Variants in TNFRSF9 observed in about 807,000 individuals in gnomAD.
The protein encoded by TNFRSF9 is tumor necrosis factor receptor superfamily member 9.
In TNFRSF9, 16 loss-of-function variants were observed where a neutral mutation model predicts 28.8. That is an observed-to-expected ratio of 0.55 (90% CI 0.38 to 0.84). The LOEUF (loss-of-function observed/expected upper bound fraction) is 0.84. TNFRSF9 is among the 40% of genes least tolerant of loss of function. TNFRSF9 has a pLI of 0.00. For synonymous variants in TNFRSF9, 131 were observed against 117.0 expected (o/e 1.12, Z -0.77); for missense variants, 303 against 315.0 (o/e 0.96, Z 0.29).
chr1:7,922,854 T>TTC (rs1639582029), intron 7 of TNFRSF9, among the ~76,000 whole-genome samples: 1 of 151,446 alleles, frequency 6.6e-6, no homozygotes, highest in Admixed American at 6.6e-5. Flanking sequence ...TACTCTCTAG[T>TTC]TATGAGACCA....
rs1208499796 is a variant in TNFRSF9 at position 7,940,830 on chromosome 1, A to T, written c.-131T>A. On this transcript the variant is annotated 5_prime_UTR_variant, in exon 1 of 8. Coordinates refer to ENST00000377507, the MANE Select transcript of TNFRSF9 (RefSeq NM_001561.6). ...GAGAACTTTCCACTCCTTGGTCTTC[A>T]GGCTTCTGCAGCTCGAGAGGACTTC... 1 of 152,308 alleles carries T rather than the reference A, an allele frequency of 6.6e-6. No individual in the cohort carries two copies. Among genetic ancestry groups the T allele is most frequent in the Non-Finnish European group, 1.5e-5 (1 of 68,058 alleles). The allele number at this position is 152,308 out of a possible 1,614,324, so 9.4% of individuals were successfully genotyped here.
intron 5 of TNFRSF9, among the ~76,000 whole-genome samples, chr1:7,936,233 T>C (rs1218831160): frequency 6.6e-6 from 1 of 152,084 alleles, no homozygotes; most frequent in African/African-American, 2.4e-5. Context: ...CTGGCTAACA[T>C]GGTGAAAGCC....
rs1364641614 is a variant in TNFRSF9, at chr1:7,939,981, C to G, written c.14G>C (p.Cys5Ser). The part of the protein sequence containing the change: MGNS[C>S]YNIVATLLLV... ...CAACAGAGTGGCTACTATGTTGTAA[C>G]AGCTGTTTCCCATGATGAAATCTGG... Residue 5 changes from cysteine (C) to serine (S), a missense_variant, in exon 2 of 8, where the codon TGT becomes TCT. Physicochemically the swap from Cys to Ser is moderately radical, Grantham distance 112 (BLOSUM62 -1). Coordinates refer to ENST00000377507, the MANE Select transcript of TNFRSF9 (RefSeq NM_001561.6). 1 of 1,593,002 alleles carries G rather than the reference C, an allele frequency of 6.3e-7. No homozygotes were observed. Among genetic ancestry groups the G allele is most frequent in the Non-Finnish European group, 8.6e-7 (1 of 1,163,160 alleles).
Position 7,920,883 on chromosome 1 carries a change from G to A in TNFRSF9, c.720C>T (p.Gly240=). The A allele has an allele frequency of 3.1e-6, 5 of 1,613,814 alleles. No homozygotes were observed. The highest frequency in any genetic ancestry group is 4.2e-6 in the Non-Finnish European group (5 of 1,179,954). The part of the protein sequence containing the change: ...RPVQTTQEED[G]CSCRFPEEEE... The stretch of plus-strand genomic sequence containing the variant: ...CTTCTTCTGGAAATCGGCAGCTACA[G>A]CCATCTTCCTCTTGAGTAGTTTGTA... Residue 240 remains glycine, a synonymous_variant, in exon 8 of 8, where the codon GGC becomes GGT. Coordinates refer to ENST00000377507, the MANE Select transcript of TNFRSF9 (RefSeq NM_001561.6).
rs1639854007 is a variant in TNFRSF9, at chr1:7,938,397, T to C, written c.209-67A>G. The C allele has an allele frequency of 2.8e-6, 4 of 1,449,464 alleles. No individual in the cohort carries two copies. The South Asian group carries it at 4.4e-5, about 16-fold the overall frequency. 89.8% of individuals were successfully genotyped at this position (1,449,464 alleles called of 1,614,324 possible). A position where few individuals can be genotyped will look rare whatever the true frequency, so the allele number is the denominator to read the frequency against. On this transcript the variant is annotated intron_variant, in intron 3 of 7. Transcript: ENST00000377507. ...CCTCCAAATCCAGGAAGCGAATTTA[T>C]GCTCTGCAGTAAAAATCATGCTCAC...
At chr1:7,921,430 G>C (rs920191040) in intron 7 of TNFRSF9, among the ~76,000 whole-genome samples, 2 of 152,014 alleles carry the variant, frequency 1.3e-5, no homozygotes, top group African/African-American at 4.8e-5. Flanking sequence ...CACTTTGGGA[G>C]GCTGAGGCCG....
At position 7,933,189 on chromosome 1, in the gene TNFRSF9, T is replaced by G; in HGVS notation, c.652A>C (p.Lys218Gln). The part of the protein sequence containing the change: ...LRFSVVKRGR[K>Q]KLLYIFKQPF... Reference sequence around the variant, plus strand: ...TGTTTGAATATATACAGGAGTTTCTTTCTGCCCCGTTTAACAACAGAGAAA... The same window carrying G: ...TGTTTGAATATATACAGGAGTTTCTGTCTGCCCCGTTTAACAACAGAGAAA... The change falls in exon 7 of 8, where the codon AAG becomes CAG. Residue 218 changes from lysine (K) to glutamine (Q), a missense_variant. Lys to Gln is a moderately conservative substitution (Grantham distance 53, BLOSUM62 1). Transcript: ENST00000377507. 1 of 1,614,002 alleles carries G rather than the reference T, an allele frequency of 6.2e-7. No individual in the cohort carries two copies. The highest frequency in any genetic ancestry group is 1.1e-5 in the South Asian group (1 of 91,050).
rs33970118 is a variant in TNFRSF9, at chr1:7,920,304, CTTT to C, written c.*528_*530del. Reference sequence around the variant, plus strand: ...CCTGTTAAGTGGTATCTAGAAAATGCTTTTTTTTTTTTTTTTTTATCACCAGCT... The same window carrying C: ...CCTGTTAAGTGGTATCTAGAAAATGCTTTTTTTTTTTTTTTATCACCAGCT... On this transcript the variant is annotated 3_prime_UTR_variant, in exon 8 of 8. Transcript: ENST00000377507. 2.4e-4 allele frequency: 30 copies of C among 127,580 alleles called. No homozygotes were observed. Among genetic ancestry groups the C allele is most frequent in the African/African-American group, 5.0e-4 (17 of 33,818 alleles). 7.9% of individuals were successfully genotyped at this position (127,580 alleles called of 1,614,324 possible).
chr1:7,918,036 T>G lies in TNFRSF9; in HGVS notation c.*2799A>C, dbSNP rs1282745740. On this transcript the variant is annotated 3_prime_UTR_variant, in exon 8 of 8. Transcript: ENST00000377507. Reference sequence around the variant, plus strand: ...TTCACTCTTGTCACCCAGTCTGGAGTGCAATGGCACAATCTTGGCTCGCTG... The same window carrying G: ...TTCACTCTTGTCACCCAGTCTGGAGGGCAATGGCACAATCTTGGCTCGCTG... The G allele has an allele frequency of 6.6e-6, 1 of 151,306 alleles. No homozygotes were observed. Among genetic ancestry groups the G allele is most frequent in the Non-Finnish European group, 1.5e-5 (1 of 67,952 alleles). 9.4% of individuals were successfully genotyped at this position (151,306 alleles called of 1,614,324 possible). A position where few individuals can be genotyped will look rare whatever the true frequency, so the allele number is the denominator to read the frequency against.
chr1:7,917,329 T>C lies in TNFRSF9; in HGVS notation c.*3506A>G, dbSNP rs1639494636. The C allele has an allele frequency of 6.6e-6, 1 of 152,236 alleles. No individual in the cohort carries two copies. Among genetic ancestry groups the C allele is most frequent in the Admixed American group, 6.5e-5 (1 of 15,268 alleles). 9.4% of individuals were successfully genotyped at this position (152,236 alleles called of 1,614,324 possible). On this transcript the variant is annotated 3_prime_UTR_variant, in exon 8 of 8. Coordinates refer to ENST00000377507, the MANE Select transcript of TNFRSF9 (RefSeq NM_001561.6). Reference sequence around the variant, plus strand: ...AGCTATTGTAATAAACACAGTGTGATACTGGCACAGGATAGACAAATTGAC... The same window carrying C: ...AGCTATTGTAATAAACACAGTGTGACACTGGCACAGGATAGACAAATTGAC...
chr1:7,940,055 T>C lies in TNFRSF9; in HGVS notation c.-61A>G. ...TGATTCCAAGAGAATTTTAATCAAATTAGCTGGTCTCACAAATGTCACTCT... is the reference window on the plus strand; with the variant it reads ...TGATTCCAAGAGAATTTTAATCAAACTAGCTGGTCTCACAAATGTCACTCT... On this transcript the variant is annotated 5_prime_UTR_variant, in exon 2 of 8. Transcript: ENST00000377507. The C allele has an allele frequency of 8.1e-7, 1 of 1,236,612 alleles. No individual in the cohort carries two copies. Among genetic ancestry groups the C allele is most frequent in the Non-Finnish European group, 1.2e-6 (1 of 853,590 alleles). The allele number at this position is 1,236,612 out of a possible 1,614,324, so 76.6% of individuals were successfully genotyped here.
At chr1:7,925,199 T>C (rs1290361044) in intron 7 of TNFRSF9, among the ~76,000 whole-genome samples, 2 of 151,800 alleles carry the variant, frequency 1.3e-5, no homozygotes, top group African/African-American at 4.8e-5. Context: ...TCCCAGCTAC[T>C]TGGGGGGCTG....
chr1:7,928,247 T>G (rs1227061937), intron 7 of TNFRSF9, among the ~76,000 whole-genome samples: 1 of 152,232 alleles, frequency 6.6e-6, no homozygotes, highest in Non-Finnish European at 1.5e-5. Context: ...TCTTAAAAAC[T>G]AAACAAGCAC....
At chr1:7,922,720 G>C in intron 7 of TNFRSF9, among the ~76,000 whole-genome samples, 1 of 151,712 alleles carries the variant, frequency 6.6e-6, no homozygotes, top group Non-Finnish European at 1.5e-5. Flanking sequence ...TCTGAGGCAG[G>C]ACAATGGCTT....
At position 7,936,574 on chromosome 1, in the gene TNFRSF9, A is replaced by G. The variant is rs226478; in HGVS notation, c.413+1116T>C. 116,791 of 152,288 alleles carry G rather than the reference A, an allele frequency of 0.77. 45,955 individuals are homozygous for G. Among genetic ancestry groups the G allele is most frequent in the East Asian group, 1 (5,196 of 5,208 alleles). 9.4% of individuals were successfully genotyped at this position (152,288 alleles called of 1,614,324 possible). A position where few individuals can be genotyped will look rare whatever the true frequency, so the allele number is the denominator to read the frequency against. On this transcript the variant is annotated intron_variant, in intron 5 of 7. Coordinates refer to ENST00000377507, the MANE Select transcript of TNFRSF9 (RefSeq NM_001561.6). ...TCAGCCACTCTGATGCTGATAAATT[A>G]TAAATGACAAAAGCAGAGAGATACC...
rs779099628 is a variant in TNFRSF9, at chr1:7,938,746, G to A, written c.183C>T (p.Thr61=). 18 of 1,613,200 alleles carry A rather than the reference G, an allele frequency of 1.1e-5. No homozygotes were observed. The highest frequency in any genetic ancestry group is 5.0e-5 in the Admixed American group (3 of 59,952). ...CTTTACACTGCCTGCATATGTCACA[G>A]GTCCTTTGTCCACCTGCGCTGGAGA... The part of the protein sequence containing the change: ...NSFSSAGGQR[T]CDICRQCKGV... The change falls in exon 3 of 8, where the codon ACC becomes ACT. Residue 61 remains threonine (T), a synonymous_variant. Coordinates refer to ENST00000377507, the MANE Select transcript of TNFRSF9 (RefSeq NM_001561.6).
At position 7,919,286 on chromosome 1, in the gene TNFRSF9, T is replaced by C. The variant is rs1035176037; in HGVS notation, c.*1549A>G. 1.3e-5 allele frequency: 2 copies of C among 152,158 alleles called. No individual in the cohort carries two copies. The highest frequency in any genetic ancestry group is 2.9e-5 in the Non-Finnish European group (2 of 68,070). The allele number at this position is 152,158 out of a possible 1,614,324, so 9.4% of individuals were successfully genotyped here. On this transcript the variant is annotated 3_prime_UTR_variant, in exon 8 of 8. Transcript: ENST00000377507. Reference sequence around the variant, plus strand: ...ACTTTGGGAGGCAGAGGTGGGCAGATCACCTGAGGTCAGGAGTTTGAGACC... The same window carrying C: ...ACTTTGGGAGGCAGAGGTGGGCAGACCACCTGAGGTCAGGAGTTTGAGACC...
intron 1 of TNFRSF9, 96 bp from the exon 2 acceptor site, chr1:7,940,174 T>C (rs1327833595): frequency 2.3e-6 from 1 of 440,196 alleles, no homozygotes; most frequent in African/African-American, 1.9e-5. Flanking sequence ...AGAGGATAAC[T>C]CAGGGTTTTT....
intron 7 of TNFRSF9, among the ~76,000 whole-genome samples, chr1:7,932,114 G>A (rs1158636236): frequency 1.3e-5 from 2 of 152,098 alleles, no homozygotes; most frequent in African/African-American, 4.8e-5. Context: ...TCCAGCCTGG[G>A]CAACAAGAGT....
Sources: gnomAD v4.1 joint callset for allele counts (sites outside exome capture counted in the v4.1 genomes callset) on GRCh38, gnomAD v4.1.1 for gene constraint, MANE v1.5 for transcripts, NCBI Gene and HGNC (gene_info 2026-07-23, HGNC 2026-07-21) for gene names.